RNF144A: variants seen among roughly 807,000 people sequenced by gnomAD.
RNF144A encodes the protein ring finger protein 144A.
RNF144A carries 11 observed loss-of-function variants against 38.7 expected under a neutral mutation model. That is an observed-to-expected ratio of 0.28 (90% confidence interval 0.18 to 0.47). The LOEUF is 0.47. RNF144A is among the 20% of genes least tolerant of loss of function. RNF144A has a pLI of 0.99. For synonymous variants in RNF144A, 149 were observed against 143.9 expected (o/e 1.04, Z -0.25); for missense variants, 316 against 377.2 (o/e 0.84, Z 1.34).
chr2:7,052,129 C>G (rs1251787577), intron 6 of RNF144A, among the ~76,000 whole-genome samples: 2 of 152,160 alleles, frequency 1.3e-5, no homozygotes, highest in African/African-American at 4.8e-5. Context: ...CGTGGTGTCA[C>G]TCAGAAAGCA....
Position 7,042,184 on chromosome 2 carries a change from C to T in RNF144A, c.*2424C>T. The T allele has an allele frequency of 3.0e-6, 3 of 985,268 alleles. No homozygotes were observed. The highest frequency in any genetic ancestry group is 3.6e-6 in the Non-Finnish European group (3 of 829,778). 61.0% of individuals were successfully genotyped at this position (985,268 alleles called of 1,614,324 possible). On this transcript the variant is annotated 3_prime_UTR_variant, in exon 9 of 9. Coordinates refer to ENST00000320892, the MANE Select transcript of RNF144A (RefSeq NM_014746.6). Reference sequence around the variant, plus strand: ...GAGATACATAAACTCGCATTTCCTTCTGTTTTAGTAAGGAGTGCCAGACTT... The same window carrying T: ...GAGATACATAAACTCGCATTTCCTTTTGTTTTAGTAAGGAGTGCCAGACTT...
intron 5 of RNF144A, 92 bp downstream of exon 5, chr2:7,014,864 C>T (rs1345669462): frequency 4.7e-5 from 42 of 899,780 alleles, no homozygotes; most frequent in Middle Eastern, 3.0e-4. Context: ...TATGGTTATA[C>T]AGCATTTGAT....
chr2:6,923,501 G>T (rs1204933434), intron 1 of RNF144A, among the ~76,000 whole-genome samples: 1 of 152,174 alleles, frequency 6.6e-6, no homozygotes, highest in Admixed American at 6.5e-5. Context: ...AGCTGCTGAC[G>T]TGTGCCCTGG....
chr2:7,045,429 C>T (rs1463214631), downstream of RNF144A, among the ~76,000 whole-genome samples: 1 of 152,132 alleles, frequency 6.6e-6, no homozygotes, highest in Non-Finnish European at 1.5e-5. Flanking sequence ...GGAGGATGCC[C>T]GTGTTGCTCT....
Position 7,030,073 on chromosome 2 carries a change from C to T in RNF144A, c.658-53C>T, listed in dbSNP as rs567811385. 1.0e-4 allele frequency: 131 copies of T among 1,257,766 alleles called. No individual in the cohort carries two copies. The South Asian group carries it at 1.0e-3, about 10-fold the overall frequency. The allele number at this position is 1,257,766 out of a possible 1,614,324, so 77.9% of individuals were successfully genotyped here. On this transcript the variant is annotated intron_variant, in intron 7 of 8. Coordinates refer to ENST00000320892, the MANE Select transcript of RNF144A (RefSeq NM_014746.6). ...ATGCATCAATGGCTGTGATACTCAC[C>T]GAACTGAGCAGGAACCACTCGTTCA...
Position 7,004,349 on chromosome 2 carries a change from TC to T in RNF144A, c.135+7290del. ...AACTCCTGTAGATAAAACAGAGACT[TC>T]CTTCCCCAGCAAATAACCTTCCAGC... is the stretch of plus-strand genomic sequence containing the variant. On this transcript the variant is annotated intron_variant, in intron 3 of 8. Transcript: ENST00000320892. 2.0e-5 allele frequency among the ~76,000 whole-genome samples: 3 copies of T among 152,292 alleles called. 1 individual carries two copies. In the South Asian group the frequency reaches 6.2e-4, roughly 32 times the overall value.
intron 6 of RNF144A, among the ~76,000 whole-genome samples, chr2:7,022,128 A>T (rs555571861): frequency 3.3e-4 from 50 of 152,236 alleles, no homozygotes; most frequent in Non-Finnish European, 5.0e-4. Flanking sequence ...CTCCTGGGCC[A>T]AAGCCCCACA....
chr2:6,973,971 G>C (rs142744834), intron 2 of RNF144A, among the ~76,000 whole-genome samples: 42 of 152,320 alleles, frequency 2.8e-4, no homozygotes, highest in African/African-American at 1.0e-3. Flanking sequence ...ACTGTTACTG[G>C]ACTTCAGGAT....
chr2:7,005,380 G>C (rs1392393233), intron 3 of RNF144A, among the ~76,000 whole-genome samples: 1 of 152,218 alleles, frequency 6.6e-6, no homozygotes, highest in Non-Finnish European at 1.5e-5. Flanking sequence ...GTTCAGAGAT[G>C]CGTGAATCCA....
chr2:7,003,094 T>C (rs1162539441), intron 3 of RNF144A, among the ~76,000 whole-genome samples: 1 of 152,222 alleles, frequency 6.6e-6, no homozygotes, highest in Non-Finnish European at 1.5e-5. Flanking sequence ...TATATATTTG[T>C]ACGTATATAT....
intron 3 of RNF144A, among the ~76,000 whole-genome samples, chr2:7,009,213 G>T (rs1176854747): frequency 6.6e-6 from 1 of 152,238 alleles, no homozygotes; most frequent in African/African-American, 2.4e-5. Flanking sequence ...TACTGAAGGG[G>T]TAAGAAGAAC....
chr2:6,941,873 C>G lies in RNF144A; in HGVS notation c.-12+726C>G, dbSNP rs1291524270. 1.3e-5 allele frequency among the ~76,000 whole-genome samples: 2 copies of G among 152,248 alleles called. No individual in the cohort carries two copies. Among genetic ancestry groups the G allele is most frequent in the Non-Finnish European group, 2.9e-5 (2 of 68,044 alleles). ...TGGAGGAGCACCCAGGCCAGCCTGG[C>G]TGGAAGGACTCAGCACAGAGCTGTG... On this transcript the variant is annotated intron_variant, in intron 2 of 8. Coordinates refer to ENST00000320892, the MANE Select transcript of RNF144A (RefSeq NM_014746.6). The surrounding 1 kb of genome is among the most constrained non-coding windows in gnomAD (Gnocchi z 6.5).
Position 6,937,351 on chromosome 2 carries a change from G to C in RNF144A, c.-211-3597G>C, listed in dbSNP as rs374334267. 8.5e-5 allele frequency among the ~76,000 whole-genome samples: 13 copies of C among 152,348 alleles called. No homozygotes were observed. The East Asian group carries it at 1.3e-3, about 16-fold the overall frequency. ...TGTCCAGGTGGGGACAGGAGGCTTT[G>C]CAACCTGCCAACAGCCCAGGAGCCA... is the stretch of plus-strand genomic sequence containing the variant. On this transcript the variant is annotated intron_variant, in intron 1 of 8. Transcript: ENST00000320892.
intron 2 of RNF144A, among the ~76,000 whole-genome samples, chr2:6,965,552 G>A (rs747610426): frequency 3.9e-5 from 6 of 152,118 alleles, no homozygotes; most frequent in African/African-American, 9.7e-5. Context: ...AAACCTAAGC[G>A]CAAACAGCGG....
At chr2:7,047,426 G>C (rs1673350054), downstream of RNF144A, among the ~76,000 whole-genome samples, 1 of 152,206 alleles carries the variant, frequency 6.6e-6, no homozygotes, top group Non-Finnish European at 1.5e-5. Context: ...AGTCATGGTG[G>C]CTTCTTAAAT....
chr2:7,074,248 C>T, the RNF144A span, among the ~76,000 whole-genome samples: 1 of 152,112 alleles, frequency 6.6e-6, no homozygotes, highest in Non-Finnish European at 1.5e-5. Flanking sequence ...TAACACTTAC[C>T]ACCAGGGCAT....
intron 6 of RNF144A, among the ~76,000 whole-genome samples, chr2:7,055,298 GTTTC>G (rs1673695887): frequency 6.6e-6 from 1 of 152,176 alleles, no homozygotes; most frequent in African/African-American, 2.4e-5. Context: ...CTGAGCTGCA[GTTTC>G]ACACACTGAA....
intron 6 of RNF144A, among the ~76,000 whole-genome samples, chr2:7,064,095 G>A (rs992376992): frequency 3.3e-5 from 5 of 152,096 alleles, no homozygotes; most frequent in African/African-American, 9.7e-5. Context: ...TAACTAACCT[G>A]CTTCCACAAT....
chr2:6,975,273 A>G (rs1023742556), intron 2 of RNF144A, among the ~76,000 whole-genome samples: 1 of 152,172 alleles, frequency 6.6e-6, no homozygotes, highest in Non-Finnish European at 1.5e-5. Flanking sequence ...CGTGAGACCC[A>G]TTCACTATCA....
Sources: gnomAD v4.1 joint callset for allele counts (sites outside exome capture counted in the v4.1 genomes callset) on GRCh38, gnomAD v4.1.1 for gene constraint, Gnocchi (gnomAD v3.1) non-coding constraint, MANE v1.5 for transcripts, NCBI Gene and HGNC (gene_info 2026-07-23, HGNC 2026-07-21) for gene names.